Variants in SPTB observed in about 807,000 individuals in gnomAD.
The protein encoded by SPTB is spectrin beta chain, erythrocytic.
A neutral mutation model predicts 256.2 loss-of-function variants in SPTB; 45 were observed. The ratio of observed to expected loss-of-function variants is 0.18; its 90% CI spans 0.14 to 0.23. SPTB has a LOEUF of 0.23. SPTB is among the 10% of genes least tolerant of loss of function. The pLI is 1.00. For missense variants in SPTB, 2,715 were observed against 3,040.4 expected, an observed-to-expected ratio of 0.89 and a Z score of 2.52; for synonymous variants, 1,231 against 1,243.1, an observed-to-expected ratio of 0.99 and a Z score of 0.21.
At chr14:64,836,634 C>T (rs1165450844) in intron 1 of SPTB, among the ~76,000 whole-genome samples, 2 of 152,208 alleles carry the variant, frequency 1.3e-5, no homozygotes, top group Non-Finnish European at 2.9e-5. Flanking sequence ...ATGACCCAAG[C>T]AGTGCTCCTT....
chr14:64,828,208 C>T (rs1452972974), intron 1 of SPTB, among the ~76,000 whole-genome samples: 1 of 152,064 alleles, frequency 6.6e-6, no homozygotes, highest in African/African-American at 2.4e-5. Context: ...TTTCTGTCAC[C>T]CGGCAGGGGC....
chr14:64,865,891 C>T (rs1263172524), intron 1 of SPTB, among the ~76,000 whole-genome samples: 3 of 152,278 alleles, frequency 2.0e-5, no homozygotes, highest in South Asian at 2.1e-4. Context: ...GTAAAGAACC[C>T]TCCTGCGTCA....
chr14:64,785,234 A>C lies in SPTB; in HGVS notation c.3855+303T>G, dbSNP rs994033749. Among the ~76,000 whole-genome samples the C allele has an allele frequency of 1.3e-5, 2 of 152,160 alleles. No homozygotes were observed. Among genetic ancestry groups the C allele is most frequent in the African/African-American group, 4.8e-5 (2 of 41,432 alleles). ...AAGCACAGGGTGTGACACAGGTCAC[A>C]CATCCTCAAAGCTGGCCCAGACTGG... On this transcript the variant is annotated intron_variant, in intron 18 of 35. Coordinates refer to ENST00000644917, the MANE Select transcript of SPTB (RefSeq NM_001355436.2). This position sits in a 1 kb window ranked among gnomAD's most constrained non-coding sequence, Gnocchi z 4.4.
At chr14:64,876,514 G>A (rs72726258) in intron 1 of SPTB, among the ~76,000 whole-genome samples, 4,556 of 152,220 alleles carry the variant, frequency 0.03, 116 homozygotes, top group South Asian at 0.12. Context: ...TGGTGATTGG[G>A]TTTAGGTTAA....
In SPTB at chr14:64,826,841, G is replaced by A. The variant is rs180698582; in HGVS notation, c.-51-3696C>T. On this transcript the variant is annotated intron_variant, in intron 1 of 35. Transcript: ENST00000644917. The surrounding 1 kb of genome is among the most constrained non-coding windows in gnomAD (Gnocchi z 4.4). Reference sequence around the variant, plus strand: ...TCCTTACCTGCCTTCTGCCACCACCGACCCCAGGCTATATTTTGAGTAGGA... The same window carrying A: ...TCCTTACCTGCCTTCTGCCACCACCAACCCCAGGCTATATTTTGAGTAGGA... 2.4e-3 allele frequency among the ~76,000 whole-genome samples: 359 copies of A among 152,050 alleles called. 6 individuals are homozygous for A. Among genetic ancestry groups the A allele is most frequent in the East Asian group, 0.018 (95 of 5,170 alleles).
At position 64,793,070 on chromosome 14, in the gene SPTB, C is replaced by G; in HGVS notation, c.2593G>C (p.Gly865Arg). The G allele has an allele frequency of 1.2e-6, 2 of 1,614,116 alleles. No individual in the cohort carries two copies. The highest frequency in any genetic ancestry group is 1.7e-6 in the Non-Finnish European group (2 of 1,180,044). Residue 865 changes from glycine (G) to arginine (R), a missense_variant, in exon 14 of 36, where the codon GGA becomes CGA. By Grantham distance (125) the Gly-to-Arg change is moderately radical. This residue lies in a region of SPTB where 2,239 missense variants were observed against 2,384.4 expected (regional missense o/e 0.94). Coordinates refer to ENST00000644917, the MANE Select transcript of SPTB (RefSeq NM_001355436.2). The surrounding 1 kb of genome is among the most constrained non-coding windows in gnomAD (Gnocchi z 7.0). ...TCGGCCAGCCACTTCTCCTTCTCTC[C>G]CATCCACAGCTCACAGGCGTCTGTC... ...GETDACELWM[G>R]EKEKWLAEME...
At chr14:64,856,946 T>C (rs1282660852) in intron 1 of SPTB, among the ~76,000 whole-genome samples, 3 of 152,232 alleles carry the variant, frequency 2.0e-5, no homozygotes, top group African/African-American at 7.2e-5. Flanking sequence ...TTGATTTTCC[T>C]CTGAGACTCA....
rs1353155955 is a variant in SPTB at position 64,816,445 on chromosome 14, C to T, written c.148+6502G>A. Among the ~76,000 whole-genome samples, 2 of 152,202 alleles carry T rather than the reference C, an allele frequency of 1.3e-5. No homozygotes were observed. Among genetic ancestry groups the T allele is most frequent in the African/African-American group, 4.8e-5 (2 of 41,456 alleles). ...GCCCCTGCCTGCCCTCCTATCACCACCACCAACCCTGCACTCTGACTCAAA... is the reference window on the plus strand; with the variant it reads ...GCCCCTGCCTGCCCTCCTATCACCATCACCAACCCTGCACTCTGACTCAAA... On this transcript the variant is annotated intron_variant, in intron 2 of 35. Coordinates refer to ENST00000644917, the MANE Select transcript of SPTB (RefSeq NM_001355436.2). The surrounding 1 kb of genome is among the most constrained non-coding windows in gnomAD (Gnocchi z 4.2).
At chr14:64,771,874 C>T in intron 26 of SPTB, among the ~76,000 whole-genome samples, 1 of 152,214 alleles carries the variant, frequency 6.6e-6, no homozygotes, top group East Asian at 1.9e-4. Context: ...CAGGGCTGGC[C>T]TGGGATTGCG....
chr14:64,766,098 GTGTGTGTGGA>G (rs2082174926), intron 32 of SPTB, among the ~76,000 whole-genome samples: 1 of 149,562 alleles, frequency 6.7e-6, no homozygotes, highest in Non-Finnish European at 1.5e-5. Context: ...GCGTGTGTGG[GTGTGTGTGGA>G]TGTGTGTATG....
At position 64,852,379 on chromosome 14, in the gene SPTB, CA is replaced by C. The variant is rs1320830948; in HGVS notation, c.-52+27412del. On this transcript the variant is annotated intron_variant, in intron 1 of 35. Transcript: ENST00000644917. This position sits in a 1 kb window ranked among gnomAD's most constrained non-coding sequence, Gnocchi z 4.2. ...GTGAGAGATAAGGCTGGGGGCCAGACAAGGGGAACCTGAGCAGTGGGGAGTC... is the reference window on the plus strand; with the variant it reads ...GTGAGAGATAAGGCTGGGGGCCAGACAGGGGAACCTGAGCAGTGGGGAGTC... 6.6e-6 allele frequency among the ~76,000 whole-genome samples: 1 copy of C among 152,128 alleles called. No individual in the cohort carries two copies. Among genetic ancestry groups the C allele is most frequent in the Admixed American group, 6.5e-5 (1 of 15,280 alleles).
rs2083349927 is a variant in SPTB, at chr14:64,824,688, C to CTGTGGG, written c.-51-1544_-51-1543insCCCACA. ...TGGGTGTGTGCACCCACGGCACACA[C>CTGTGGG]ACAGGCTCATATCTGACACACTGAC... On this transcript the variant is annotated intron_variant, in intron 1 of 35. Transcript: ENST00000644917. This position sits in a 1 kb window ranked among gnomAD's most constrained non-coding sequence, Gnocchi z 5.7. Among the ~76,000 whole-genome samples the CTGTGGG allele has an allele frequency of 6.6e-6, 1 of 152,022 alleles. No homozygotes were observed. Among genetic ancestry groups the CTGTGGG allele is most frequent in the Admixed American group, 6.5e-5 (1 of 15,274 alleles).
At chr14:64,765,290 C>A (rs1404617851) in intron 32 of SPTB, among the ~76,000 whole-genome samples, 5 of 152,064 alleles carry the variant, frequency 3.3e-5, no homozygotes. Flanking sequence ...CCCAGTGCAG[C>A]CTGCCACAGC....
chr14:64,775,185 G>T lies in SPTB; in HGVS notation c.4782C>A (p.Asp1594Glu), dbSNP rs138279396. The change falls in exon 23 of 36, where the codon GAC becomes GAA. Residue 1594 changes from aspartate to glutamate, a missense_variant. Physicochemically the swap from Asp to Glu is conservative, Grantham distance 45 (BLOSUM62 2). Coordinates refer to ENST00000644917, the MANE Select transcript of SPTB (RefSeq NM_001355436.2). This position sits in a 1 kb window ranked among gnomAD's most constrained non-coding sequence, Gnocchi z 5.0. ...GCTCGCCAATCCAGGCCTCAGCCTC[G>T]TCTGCATCCAGGTAGTACTGCTGTG... ...NEAQQYYLDA[D>E]EAEAWIGEQE... is the part of the protein sequence containing the mutation. 6.2e-7 allele frequency: 1 copy of T among 1,613,944 alleles called. No individual in the cohort carries two copies. The highest frequency in any genetic ancestry group is 8.5e-7 in the Non-Finnish European group (1 of 1,180,034).
At chr14:64,805,120 G>A in intron 2 of SPTB, 30 bp from the exon 3 acceptor site, 1 of 1,614,088 alleles carries the variant, frequency 6.2e-7, no homozygotes, top group Non-Finnish European at 8.5e-7. Flanking sequence ...TTGGTGAGGT[G>A]CCTGAGGTTG....
At chr14:64,797,304 T>C (rs1213007977) in intron 10 of SPTB, among the ~76,000 whole-genome samples, 1 of 151,548 alleles carries the variant, frequency 6.6e-6, no homozygotes, top group Non-Finnish European at 1.5e-5. Flanking sequence ...ACTCTGTCTC[T>C]ATAAAAAATG....
intron 1 of SPTB, among the ~76,000 whole-genome samples, chr14:64,829,129 C>T (rs1239692608): frequency 6.6e-6 from 1 of 152,090 alleles, no homozygotes; most frequent in African/African-American, 2.4e-5. Context: ...ACATCATGAC[C>T]TATGACGTTC....
At position 64,853,200 on chromosome 14, in the gene SPTB, G is replaced by A. The variant is rs2083814034; in HGVS notation, c.-52+26592C>T. ...GCTTAACCTGAGGCTGGGTACCCAA[G>A]TCCTGAACCTGTGGAAATGAATGGC... On this transcript the variant is annotated intron_variant, in intron 1 of 35. Coordinates refer to ENST00000644917, the MANE Select transcript of SPTB (RefSeq NM_001355436.2). The surrounding 1 kb of genome is among the most constrained non-coding windows in gnomAD (Gnocchi z 4.3). Among the ~76,000 whole-genome samples the A allele has an allele frequency of 6.6e-6, 1 of 152,172 alleles. No individual in the cohort carries two copies. Among genetic ancestry groups the A allele is most frequent in the Non-Finnish European group, 1.5e-5 (1 of 68,042 alleles).
At chr14:64,828,762 T>C (rs2083409653) in intron 1 of SPTB, among the ~76,000 whole-genome samples, 2 of 152,342 alleles carry the variant, frequency 1.3e-5, no homozygotes, top group African/African-American at 4.8e-5. Flanking sequence ...AAAAGCTGGA[T>C]GCCCAATTTC....
Sources: gnomAD v4.1 joint callset for allele counts (sites outside exome capture counted in the v4.1 genomes callset) on GRCh38, gnomAD v4.1.1 for gene constraint, gnomAD v4.1.1 regional missense constraint, Gnocchi (gnomAD v3.1) non-coding constraint, MANE v1.5 for transcripts, NCBI Gene and HGNC (gene_info 2026-07-23, HGNC 2026-07-21) for gene names.